CTSK: variants seen among roughly 807,000 people sequenced by gnomAD.
CTSK encodes the protein cathepsin K.
In CTSK, 26 loss-of-function variants were observed where a neutral mutation model predicts 40.5. The ratio of observed to expected loss-of-function variants is 0.64; its 90% CI spans 0.47 to 0.89. CTSK has a LOEUF of 0.89. CTSK is among the 40% of genes least tolerant of loss of function. CTSK has a pLI of 0.00. For missense variants in CTSK, 292 were observed against 400.1 expected (o/e 0.73, Z 2.30); for synonymous variants, 132 against 143.2 (o/e 0.92, Z 0.56).
intron 1 of CTSK, among the ~76,000 whole-genome samples, 200 bp downstream of exon 1, chr1:150,808,014 G>GTA (rs1654154165): frequency 6.6e-6 from 1 of 152,128 alleles, no homozygotes; most frequent in Non-Finnish European, 1.5e-5. Flanking sequence ...AATCATGTAT[G>GTA]TATATATATA....
At chr1:150,802,147 G>A (rs1222820268) in intron 5 of CTSK, among the ~76,000 whole-genome samples, 3 of 151,602 alleles carry the variant, frequency 2.0e-5, no homozygotes, top group Non-Finnish European at 2.9e-5. Flanking sequence ...GCGTGGTTGC[G>A]GGTGCCTATA....
intron 5 of CTSK, among the ~76,000 whole-genome samples, chr1:150,803,189 A>T (rs1342073020): frequency 6.6e-6 from 1 of 152,224 alleles, no homozygotes; most frequent in Non-Finnish European, 1.5e-5. Flanking sequence ...TTTGCAGAAG[A>T]TAAACATCCC....
chr1:150,807,038 C>G (rs1654110875), intron 1 of CTSK, among the ~76,000 whole-genome samples: 1 of 83,510 alleles, frequency 1.2e-5, no homozygotes, highest in African/African-American at 3.8e-5. Context: ...GAGATTTAGG[C>G]AACACACACT....
At position 150,796,792 on chromosome 1, in the gene CTSK, G is replaced by A; in HGVS notation, c.*7C>T. Reference sequence around the variant, plus strand: ...TGGAAGAGCAGGATGGATTTGGCTGGCTGGAGTCACATCTTGGGGAAGCTG... The same window carrying A: ...TGGAAGAGCAGGATGGATTTGGCTGACTGGAGTCACATCTTGGGGAAGCTG... On this transcript the variant is annotated 3_prime_UTR_variant, in exon 8 of 8. Transcript: ENST00000271651. 6.3e-7 allele frequency: 1 copy of A among 1,599,334 alleles called. No homozygotes were observed. Among genetic ancestry groups the A allele is most frequent in the Non-Finnish European group, 8.6e-7 (1 of 1,166,468 alleles).
At chr1:150,805,158 G>T (rs1654059379) in intron 4 of CTSK, among the ~76,000 whole-genome samples, 2 of 144,060 alleles carry the variant, frequency 1.4e-5, no homozygotes, top group South Asian at 4.5e-4. Context: ...AGGCTGCAGT[G>T]AGCCATGATT....
intron 1 of CTSK, 116 bp downstream of exon 1, chr1:150,808,098 T>C (rs749874603): frequency 1.4e-4 from 22 of 152,244 alleles, no homozygotes; most frequent in Non-Finnish European, 2.8e-4. Context: ...AGTGCATCTC[T>C]GTTTTCATCT....
intron 2 of CTSK, 72 bp from the exon 3 acceptor site, chr1:150,806,296 G>T: frequency 7.2e-6 from 11 of 1,535,934 alleles, no homozygotes; most frequent in Non-Finnish European, 9.8e-6. Flanking sequence ...AGGGTTTTAG[G>T]AGAATAAAGG....
intron 4 of CTSK, 89 bp from the exon 5 acceptor site, chr1:150,804,328 T>A: frequency 9.3e-7 from 1 of 1,079,284 alleles, no homozygotes; most frequent in Non-Finnish European, 1.4e-6. Context: ...CCATGTGTTC[T>A]AAAAATTTCA....
intron 4 of CTSK, 51 bp downstream of exon 4, chr1:150,805,810 G>A (rs1654078225): frequency 1.9e-6 from 3 of 1,604,386 alleles, no homozygotes; most frequent in Middle Eastern, 1.8e-4. Context: ...AGCAGAAAAA[G>A]GAAAAGGTCA....
chr1:150,805,435 T>C (rs1654067111), intron 4 of CTSK, among the ~76,000 whole-genome samples: 1 of 150,680 alleles, frequency 6.6e-6, no homozygotes, highest in South Asian at 2.1e-4. Flanking sequence ...CTGAGGTCAG[T>C]TCAAGACCAG....
At position 150,806,030 on chromosome 1, in the gene CTSK, G is replaced by T. The variant is rs201028711; in HGVS notation, c.244-14C>A. 15 of 1,614,186 alleles carry T rather than the reference G, an allele frequency of 9.3e-6. No homozygotes were observed. The highest frequency in any genetic ancestry group is 1.7e-5 in the Admixed American group (1 of 60,016). On this transcript the variant is annotated splice_polypyrimidine_tract_variant and intron_variant, in intron 3 of 7. Transcript: ENST00000271651. ...CTCTTCACTGGTCTAAGACAAAGAA[G>T]AAAGAGGCCAGGCATCAGCAGGGAA...
Position 150,799,716 on chromosome 1 carries a change from G to T in CTSK, c.619-7C>A. The T allele has an allele frequency of 6.2e-7, 1 of 1,613,890 alleles. No homozygotes were observed. The highest frequency in any genetic ancestry group is 1.1e-5 in the South Asian group (1 of 91,090). ...TGTACATACAACTCTCTTCCTGGAAGAAACAAGATTGTAATAGGACTAGGA... is the reference window on the plus strand; with the variant it reads ...TGTACATACAACTCTCTTCCTGGAATAAACAAGATTGTAATAGGACTAGGA... On this transcript the variant is annotated splice_region_variant and splice_polypyrimidine_tract_variant and intron_variant, in intron 5 of 7. Coordinates refer to ENST00000271651, the MANE Select transcript of CTSK (RefSeq NM_000396.4).
rs1314541099 is a variant in CTSK at position 150,807,245 on chromosome 1, A to G, written c.-1-439T>C. ...TAGCAAGGTGGTAGTGGGGTTCAGA[A>G]TACACAAAGGAGAGATTTCCGTCTA... On this transcript the variant is annotated intron_variant, in intron 1 of 7. Transcript: ENST00000271651. 1.3e-5 allele frequency: 6 copies of G among 472,988 alleles called. No individual in the cohort carries two copies. In the Admixed American group the frequency reaches 1.4e-4, roughly 11 times the overall value. The allele number at this position is 472,988 out of a possible 1,614,324, so 29.3% of individuals were successfully genotyped here.
chr1:150,803,372 C>G (rs1331349797), intron 5 of CTSK, among the ~76,000 whole-genome samples: 2 of 152,134 alleles, frequency 1.3e-5, no homozygotes, highest in African/African-American at 4.8e-5. Flanking sequence ...CGGCTTAGAA[C>G]ACAGTAGCCA....
At chr1:150,799,474 A>G in intron 6 of CTSK, 70 bp downstream of exon 6, 1 of 1,578,632 alleles carries the variant, frequency 6.3e-7, no homozygotes, top group South Asian at 1.1e-5. Context: ...GAAAATACCC[A>G]AGGTCCTTCG....
rs1654042203 is a variant in CTSK at position 150,804,080 on chromosome 1, G to A, written c.559C>T (p.Gln187Ter). ...ATACCCCGGTTCTTCTGCACATATTGGAAGGCATTGGTCATGTAGCCCCCT... is the reference window on the plus strand; with the variant it reads ...ATACCCCGGTTCTTCTGCACATATTAGAAGGCATTGGTCATGTAGCCCCCT... Reference protein sequence around the residue: ...CGGGYMTNAFQYVQKNRGIDS... With the variant: ...CGGGYMTNAF Residue 187 changes from glutamine (Q) to a stop codon, truncating the protein, a stop_gained, in exon 5 of 8, where the codon CAA (glutamine) becomes TAA (stop). Coordinates refer to ENST00000271651, the MANE Select transcript of CTSK (RefSeq NM_000396.4). LOFTEE classifies it high-confidence loss of function. 1.2e-6 allele frequency: 2 copies of A among 1,614,082 alleles called. No individual in the cohort carries two copies. The highest frequency in any genetic ancestry group is 1.7e-6 in the Non-Finnish European group (2 of 1,180,022).
rs777818482 is a variant in CTSK, at chr1:150,807,074, TCTCTCTCA to T, written c.-1-276_-1-269del. Among the ~76,000 whole-genome samples the T allele has an allele frequency of 0.15, 7,459 of 50,980 alleles. 231 individuals carry two copies. The highest frequency in any genetic ancestry group is 0.24 in the Non-Finnish European group (5,061 of 21,348). 33.4% of individuals were successfully genotyped at this position (50,980 alleles called of 152,430 possible). ...CTCTCTGTTTCTCTCTCTGTCTCTC[TCTCTCTCA>T]CACACACACACACACACACACACAC... On this transcript the variant is annotated intron_variant, in intron 1 of 7. Transcript: ENST00000271651.
chr1:150,799,377 G>A, intron 6 of CTSK, 104 bp from the exon 7 acceptor site: 1 of 1,221,464 alleles, frequency 8.2e-7, no homozygotes, highest in South Asian at 1.2e-5. Flanking sequence ...CGTGTCAGGA[G>A]GGTTTACCAC....
chr1:150,806,636 G>C, intron 2 of CTSK, 50 bp downstream of exon 2: 4 of 1,612,124 alleles, frequency 2.5e-6, no homozygotes, highest in Non-Finnish European at 3.4e-6. Context: ...TAAGATGAGA[G>C]AGCTCAGGTC....
Sources: gnomAD v4.1 joint callset for allele counts (sites outside exome capture counted in the v4.1 genomes callset) on GRCh38, gnomAD v4.1.1 for gene constraint, MANE v1.5 for transcripts, NCBI Gene and HGNC (gene_info 2026-07-23, HGNC 2026-07-21) for gene names.